FRMD4B: variants seen among roughly 807,000 people sequenced by gnomAD.
The protein encoded by FRMD4B is FERM domain-containing protein 4B.
A neutral mutation model predicts 141.5 loss-of-function variants in FRMD4B; 74 were observed. The ratio of observed to expected loss-of-function variants is 0.52; its 90% CI spans 0.43 to 0.63. The LOEUF is 0.63. Among genes scored for constraint, FRMD4B ranks in the 30% least tolerant of loss-of-function variants. The pLI, the probability that FRMD4B is intolerant of heterozygous loss-of-function variation, is 0.00. For missense variants in FRMD4B, 1,366 were observed against 1,253.4 expected (o/e 1.09, Z -1.36); for synonymous variants, 506 against 467.9 (o/e 1.08, Z -1.05).
chr3:69,472,218 G>T, intron 1 of FRMD4B: 2 of 302,404 alleles, frequency 6.6e-6, no homozygotes, highest in Non-Finnish European at 6.8e-6. Context: ...TGAAGATCTT[G>T]TGACTAAAAT....
intron 1 of FRMD4B, among the ~76,000 whole-genome samples, chr3:69,476,676 T>G (rs962784290): frequency 1.6e-4 from 25 of 152,166 alleles, no homozygotes; most frequent in Non-Finnish European, 2.9e-4. Context: ...AGGATTGACT[T>G]GGCAATGAGG....
At chr3:69,307,309 G>A (rs1383273185) in intron 3 of FRMD4B, among the ~76,000 whole-genome samples, 1 of 152,088 alleles carries the variant, frequency 6.6e-6, no homozygotes, top group African/African-American at 2.4e-5. Context: ...CAACAAGAAG[G>A]GTGGCCCAAA....
intron 1 of FRMD4B, among the ~76,000 whole-genome samples, chr3:69,356,576 G>GAT (rs1013436743): frequency 1.0e-4 from 15 of 149,038 alleles, no homozygotes; most frequent in Middle Eastern, 3.5e-3. Flanking sequence ...TTTATATATA[G>GAT]ATATATATAT....
intron 7 of FRMD4B, among the ~76,000 whole-genome samples, chr3:69,236,716 A>C (rs2093347788): frequency 6.6e-6 from 1 of 152,190 alleles, no homozygotes; most frequent in Non-Finnish European, 1.5e-5. Context: ...CAAAAAGCTC[A>C]GAGTAAGATC....
intron 12 of FRMD4B, chr3:69,198,011 C>G (rs1484890464): frequency 6.6e-6 from 1 of 152,128 alleles, no homozygotes; most frequent in Non-Finnish European, 1.5e-5. Context: ...GTACTCCCAG[C>G]TACTTGGGAG....
intron 1 of FRMD4B, among the ~76,000 whole-genome samples, chr3:69,324,611 G>A (rs529685985): frequency 6.6e-6 from 1 of 152,344 alleles, no homozygotes; most frequent in Non-Finnish European, 1.5e-5. Flanking sequence ...CCCCTGGGAC[G>A]CAAAATCACC....
chr3:69,391,477 C>A (rs1704381839), intron 2 of FRMD4B, among the ~76,000 whole-genome samples: 1 of 150,720 alleles, frequency 6.6e-6, no homozygotes, highest in South Asian at 2.1e-4. Flanking sequence ...CAATTCCCAC[C>A]TATGAGTGAG....
chr3:69,448,406 T>A (rs934790077), intron 1 of FRMD4B, among the ~76,000 whole-genome samples: 2 of 152,244 alleles, frequency 1.3e-5, no homozygotes, highest in African/African-American at 4.8e-5. Flanking sequence ...TGAGATTCTA[T>A]GATCAGGGAA....
At chr3:69,223,791 T>C (rs1033979213) in intron 8 of FRMD4B, among the ~76,000 whole-genome samples, 1 of 152,200 alleles carries the variant, frequency 6.6e-6, no homozygotes, top group African/African-American at 2.4e-5. Context: ...TTCATGCTAC[T>C]GCACTCCAGC....
chr3:69,366,330 G>GT (rs1160760765), intron 1 of FRMD4B, among the ~76,000 whole-genome samples: 2 of 151,888 alleles, frequency 1.3e-5, no homozygotes, highest in African/African-American at 4.8e-5. Flanking sequence ...GGAGACTGAT[G>GT]TAATTATTAA....
chr3:69,174,142 G>GAAACAACAAAAAAA (rs2092619054), intron 22 of FRMD4B, among the ~76,000 whole-genome samples: 1 of 142,962 alleles, frequency 7.0e-6, no homozygotes. Context: ...GTCTTGGGAA[G>GAAACAACAAAAAAA]AAAAAAAAAA....
At chr3:69,375,549 C>T (rs1197122338) in intron 1 of FRMD4B, among the ~76,000 whole-genome samples, 8 of 152,220 alleles carry the variant, frequency 5.3e-5, no homozygotes, top group Admixed American at 3.3e-4. Context: ...TGAATTCAGG[C>T]GGTTTGAGTT....
At chr3:69,452,061 A>G (rs1239611535) in intron 1 of FRMD4B, among the ~76,000 whole-genome samples, 2 of 152,270 alleles carry the variant, frequency 1.3e-5, no homozygotes, top group African/African-American at 4.8e-5. Flanking sequence ...GTTCCTCTCC[A>G]GGAAAATGGA....
chr3:69,378,953 T>C (rs890974864), intron 1 of FRMD4B, among the ~76,000 whole-genome samples: 1 of 152,114 alleles, frequency 6.6e-6, no homozygotes, highest in African/African-American at 2.4e-5. Flanking sequence ...GTCCTTCCCT[T>C]TTGCATTATT....
At chr3:69,401,287 C>G (rs1704559423) in intron 2 of FRMD4B, among the ~76,000 whole-genome samples, 1 of 152,158 alleles carries the variant, frequency 6.6e-6, no homozygotes, top group South Asian at 2.1e-4. Flanking sequence ...TTCAACTATT[C>G]CATCCAAGTA....
At chr3:69,536,998 C>T (rs191614000) in intron 1 of FRMD4B, among the ~76,000 whole-genome samples, 59 of 152,260 alleles carry the variant, frequency 3.9e-4, no homozygotes, top group African/African-American at 1.3e-3. Flanking sequence ...TCCTCCTGCC[C>T]TGGCCTCCCA....
At chr3:69,430,846 T>C (rs1705167195) in intron 2 of FRMD4B, among the ~76,000 whole-genome samples, 1 of 152,214 alleles carries the variant, frequency 6.6e-6, no homozygotes, top group African/African-American at 2.4e-5. Flanking sequence ...GAAACAACTT[T>C]GGAATACTCC....
chr3:69,477,016 G>T (rs1459374620), intron 1 of FRMD4B, among the ~76,000 whole-genome samples: 2 of 152,054 alleles, frequency 1.3e-5, no homozygotes, highest in African/African-American at 4.8e-5. Flanking sequence ...GTCTGTTTTT[G>T]GTGTGTAAGA....
At chr3:69,536,399 G>C (rs1192909591) in intron 1 of FRMD4B, 1 of 716,828 alleles carries the variant, frequency 1.4e-6, no homozygotes, top group East Asian at 2.7e-5. Flanking sequence ...CCAGTGGCCA[G>C]CGCCTGCTTC....
Sources: gnomAD v4.1 joint callset for allele counts (sites outside exome capture counted in the v4.1 genomes callset) on GRCh38, gnomAD v4.1.1 for gene constraint, MANE v1.5 for transcripts, NCBI Gene and HGNC (gene_info 2026-07-23, HGNC 2026-07-21) for gene names.